Variants in IHO1 observed in about 807,000 individuals in gnomAD.
IHO1 encodes interactor of HORMAD1 protein 1.
Under a neutral mutation model 31.0 loss-of-function variants are expected in IHO1, and 13 were observed. That is an observed-to-expected ratio of 0.42 (90% CI 0.27 to 0.67). IHO1 has a LOEUF of 0.67. Ranked by LOEUF, IHO1 falls within the 30% of genes least tolerant of loss-of-function variation. The probability of loss-of-function intolerance (pLI) is 0.24; values close to 1 mark genes in which losing one functional copy is unlikely to be tolerated. For synonymous variants in IHO1, 221 were observed against 248.4 expected (o/e 0.89, Z 1.04); for missense variants, 599 against 687.5 (o/e 0.87, Z 1.44).
chr3:49,228,288 GA>G, intron 2 of IHO1: 1 of 448,312 alleles, frequency 2.2e-6, no homozygotes, highest in Non-Finnish European at 4.5e-6. Flanking sequence ...GGAAGTACAG[GA>G]AAAGCAGAAG....
chr3:49,256,585 C>T lies in IHO1; in HGVS notation c.1088C>T (p.Thr363Ile). The stretch of plus-strand genomic sequence containing the variant: ...ACTAACTGCAAGAACTGGGCTGTTA[C>T]TAAAACAGGTGCCAAGAACCATGGT... Reference protein sequence around the residue: ...VQTNCKNWAVTKTGAKNHGSS... With the variant: ...VQTNCKNWAVIKTGAKNHGSS... The change falls in exon 8 of 8, where the codon ACT becomes ATT. Residue 363 changes from threonine (T) to isoleucine (I), a missense_variant. By Grantham distance (89) the Thr-to-Ile change is moderately conservative. Coordinates refer to ENST00000452691, the MANE Select transcript of IHO1 (RefSeq NM_001135197.2). This position sits in a 1 kb window ranked among gnomAD's most constrained non-coding sequence, Gnocchi z 4.6. 6.2e-7 allele frequency: 1 copy of T among 1,614,218 alleles called. No homozygotes were observed. The highest frequency in any genetic ancestry group is 2.2e-5 in the East Asian group (1 of 44,890).
rs560511325 is a variant in IHO1, at chr3:49,246,973, T to C, written c.532+2240T>C. ...AAGCGATTCTCCTGCCTCAGTCTCC[T>C]GAGTAGCTGGGATTACAGGTGCCTG... On this transcript the variant is annotated intron_variant, in intron 6 of 7. Coordinates refer to ENST00000452691, the MANE Select transcript of IHO1 (RefSeq NM_001135197.2). Among the ~76,000 whole-genome samples the C allele has an allele frequency of 2.0e-5, 3 of 151,620 alleles. No individual in the cohort carries two copies. The East Asian group carries it at 5.9e-4, about 30-fold the overall frequency.
chr3:49,224,705 A>G (rs1248668464), intron 2 of IHO1, among the ~76,000 whole-genome samples: 15 of 152,178 alleles, frequency 9.9e-5, no homozygotes, highest in Non-Finnish European at 2.9e-5. Flanking sequence ...ATGAACTTCC[A>G]TCGGTATATA....
chr3:49,202,003 G>GTTTTT (rs2046075822), intron 1 of IHO1, among the ~76,000 whole-genome samples: 2 of 152,118 alleles, frequency 1.3e-5, no homozygotes, highest in South Asian at 4.1e-4. Context: ...TAGTTCCTAA[G>GTTTTT]TTTTTAACTC....
chr3:49,193,079 T>G, the IHO1 span, among the ~76,000 whole-genome samples: 2 of 152,078 alleles, frequency 1.3e-5, no homozygotes, highest in African/African-American at 4.8e-5. Flanking sequence ...AGGTAAATCT[T>G]AAAAATGTTG....
intron 1 of IHO1, among the ~76,000 whole-genome samples, chr3:49,201,841 C>G (rs1418675427): frequency 6.6e-6 from 1 of 152,120 alleles, no homozygotes; most frequent in African/African-American, 2.4e-5. Flanking sequence ...TTGCTTGAGC[C>G]TGATAGGTGG....
intron 1 of IHO1, among the ~76,000 whole-genome samples, chr3:49,203,540 G>C (rs543152820): frequency 2.0e-5 from 3 of 152,308 alleles, no homozygotes; most frequent in Admixed American, 2.0e-4. Flanking sequence ...GGTGAAATCA[G>C]GGAGAGTGGT....
rs141259336 is a variant in IHO1 at position 49,200,381 on chromosome 3, C to G, written c.-16+808C>G. Among the ~76,000 whole-genome samples the G allele has an allele frequency of 3.5e-3, 535 of 150,862 alleles. 3 individuals carry two copies. Among genetic ancestry groups the G allele is most frequent in the South Asian group, 0.015 (72 of 4,758 alleles). ...TTGGGAGGCTGAGGCAGGAGAATCACTAGAACCTGGGAGGCGGAGGTGGCA... is the reference window on the plus strand; with the variant it reads ...TTGGGAGGCTGAGGCAGGAGAATCAGTAGAACCTGGGAGGCGGAGGTGGCA... On this transcript the variant is annotated intron_variant, in intron 1 of 7. Coordinates refer to ENST00000452691, the MANE Select transcript of IHO1 (RefSeq NM_001135197.2).
intron 2 of IHO1, among the ~76,000 whole-genome samples, chr3:49,221,968 G>A (rs923572696): frequency 2.6e-5 from 4 of 152,188 alleles, no homozygotes; most frequent in African/African-American, 9.6e-5. Flanking sequence ...TGTAAAAACA[G>A]CACTCTTACC....
chr3:49,246,161 G>T (rs1378420004), intron 6 of IHO1, among the ~76,000 whole-genome samples: 1 of 130,144 alleles, frequency 7.7e-6, no homozygotes, highest in African/African-American at 3.0e-5. Flanking sequence ...CAGCCTGGAC[G>T]ACAGAGCGAG....
At chr3:49,191,990 C>A in the IHO1 span, 2 of 594,360 alleles carry the variant, frequency 3.4e-6, no homozygotes, top group Non-Finnish European at 6.0e-6. Context: ...TGCCCCTTGG[C>A]ATTAACAGCC....
At chr3:49,241,479 G>GT in intron 4 of IHO1, 90 bp downstream of exon 4, 1 of 1,253,674 alleles carries the variant, frequency 8.0e-7, no homozygotes, top group Non-Finnish European at 1.1e-6. Context: ...TTCAATTTTA[G>GT]CATAATAGCA....
chr3:49,240,674 A>T (rs1219316335), intron 3 of IHO1, among the ~76,000 whole-genome samples: 1 of 152,196 alleles, frequency 6.6e-6, no homozygotes, highest in Non-Finnish European at 1.5e-5. Flanking sequence ...CGGTGCTTTA[A>T]GTTAGTAAAG....
chr3:49,204,747 G>A (rs1287307149), intron 1 of IHO1, among the ~76,000 whole-genome samples: 2 of 152,252 alleles, frequency 1.3e-5, no homozygotes, highest in South Asian at 2.1e-4. Flanking sequence ...GAACTGGGCC[G>A]GGCGTGGTGG....
intron 1 of IHO1, among the ~76,000 whole-genome samples, chr3:49,202,493 TTTTGTGTGTGTGTGTGTGTG>T (rs1338754382): frequency 1.8e-5 from 2 of 110,234 alleles, no homozygotes; most frequent in African/African-American, 3.8e-5. Context: ...GCCCGGCTAA[TTTTGTGTGTGTGTGTGTGTG>T]TGTGTGTGTG....
At chr3:49,195,587 G>A (rs1452603376), upstream of IHO1, among the ~76,000 whole-genome samples, 11 of 150,830 alleles carry the variant, frequency 7.3e-5, no homozygotes, top group African/African-American at 2.7e-4. Flanking sequence ...GGTGGCAGTC[G>A]CCTGTAGTCC....
intron 1 of IHO1, among the ~76,000 whole-genome samples, chr3:49,207,047 CAAA>C (rs71077775): frequency 2.3e-4 from 11 of 48,762 alleles, no homozygotes; most frequent in African/African-American, 7.0e-4. Flanking sequence ...GACTCTGTCT[CAAA>C]AAAAAAAAAA....
At position 49,200,475 on chromosome 3, in the gene IHO1, A is replaced by AAAAGAAAGAAAGAAAGAAAG. The variant is rs1553615438; in HGVS notation, c.-16+926_-16+945dup. On this transcript the variant is annotated intron_variant, in intron 1 of 7. Coordinates refer to ENST00000452691, the MANE Select transcript of IHO1 (RefSeq NM_001135197.2). ...GTGAGACTCGGTCTCAAAAAAAAAAAAAAGAAAGAAAGAAAGAAAGAAAGA... is the reference window on the plus strand; with the variant it reads ...GTGAGACTCGGTCTCAAAAAAAAAAAAAAGAAAGAAAGAAAGAAAGAAAGAAAGAAAGAAAGAAAGAAAGA... The AAAAGAAAGAAAGAAAGAAAG allele has an allele frequency of 1.6e-3, 166 of 103,820 alleles. 4 individuals are homozygous for AAAAGAAAGAAAGAAAGAAAG. Among genetic ancestry groups the AAAAGAAAGAAAGAAAGAAAG allele is most frequent in the Middle Eastern group, 6.6e-3 (1 of 152 alleles). 6.4% of individuals were successfully genotyped at this position (103,820 alleles called of 1,614,324 possible).
rs1425186162 is a variant in IHO1, at chr3:49,241,359, AAAAG to A, written c.369_372del (p.Lys124GlyfsTer82). ...GGCCTCTTGGAACAGTTTGAGGAGA[AAAAG>A]AAAAGGGCAAAAGACAAATGTGACA... On this transcript the variant is annotated frameshift_variant, in exon 4 of 8. Transcript: ENST00000452691. LOFTEE classifies it high-confidence loss of function. 6.2e-7 allele frequency: 1 copy of A among 1,611,654 alleles called. No individual in the cohort carries two copies. The highest frequency in any genetic ancestry group is 8.5e-7 in the Non-Finnish European group (1 of 1,179,212).
Sources: allele counts gnomAD v4.1 joint callset (sites outside exome capture counted in the v4.1 genomes callset), GRCh38; gene constraint gnomAD v4.1.1; non-coding constraint Gnocchi (gnomAD v3.1); transcripts MANE v1.5; gene names NCBI Gene and HGNC (gene_info 2026-07-23, HGNC 2026-07-21).